Variants in VPS26B observed in about 807,000 individuals in gnomAD.
VPS26B encodes VPS26 retromer complex component B, also known as vacuolar protein sorting-associated protein 26B.
In VPS26B, 10 loss-of-function variants were observed where a neutral mutation model predicts 33.3. That is an observed-to-expected ratio of 0.30 (90% CI 0.19 to 0.51). VPS26B has a LOEUF of 0.51. VPS26B is among the 20% of genes least tolerant of loss of function. VPS26B has a pLI of 0.98. For synonymous variants in VPS26B, 190 were observed against 176.9 expected, an observed-to-expected ratio of 1.07 and a Z score of -0.59; for missense variants, 317 against 452.7, an observed-to-expected ratio of 0.70 and a Z score of 2.72.
intron 1 of VPS26B, among the ~76,000 whole-genome samples, chr11:134,231,618 G>A (rs12361161): frequency 0.042 from 6,431 of 151,822 alleles, 192 homozygotes; most frequent in Middle Eastern, 0.082. Context: ...AGGATAGAGT[G>A]CAATGGCACA....
At position 134,234,958 on chromosome 11, in the gene VPS26B, G is replaced by A. The variant is rs1245002053; in HGVS notation, c.285G>A (p.Arg95=). 6.2e-7 allele frequency: 1 copy of A among 1,614,182 alleles called. No homozygotes were observed. The change falls in exon 2 of 6, where the codon CGG becomes CGA. Residue 95 remains arginine, a synonymous_variant. Transcript: ENST00000281187. The stretch of plus-strand genomic sequence containing the variant: ...TGTCCCTGGTGAAGGACCTGGCCCG[G>A]CCTGGAGAGATCACCCAGTCGCAGG... The part of the protein sequence containing the change: ...EFVSLVKDLA[R]PGEITQSQAF...
chr11:134,245,773 C>A lies in VPS26B; in HGVS notation c.*183C>A, dbSNP rs1285069019. On this transcript the variant is annotated 3_prime_UTR_variant, in exon 6 of 6. Transcript: ENST00000281187. This position sits in a 1 kb window ranked among gnomAD's most constrained non-coding sequence, Gnocchi z 4.7. ...AACCCAAGGGGCTTGGGGTGGGAAG[C>A]AGTCTCTCCTTGGGATTCTGCGGCC... 1 of 807,832 alleles carries A rather than the reference C, an allele frequency of 1.2e-6. No individual in the cohort carries two copies. Among genetic ancestry groups the A allele is most frequent in the Non-Finnish European group, 1.9e-6 (1 of 529,910 alleles). 50.0% of individuals were successfully genotyped at this position (807,832 alleles called of 1,614,324 possible). A position where few individuals can be genotyped will look rare whatever the true frequency, so the allele number is the denominator to read the frequency against.
At chr11:134,232,169 C>A (rs1387849715) in intron 1 of VPS26B, among the ~76,000 whole-genome samples, 2 of 151,300 alleles carry the variant, frequency 1.3e-5, no homozygotes, top group Admixed American at 6.6e-5. Context: ...CCTGACACGT[C>A]TGGTCCCTGA....
At position 134,231,181 on chromosome 11, in the gene VPS26B, G is replaced by C. The variant is rs1449134718; in HGVS notation, c.224-3716G>C. Among the ~76,000 whole-genome samples, 11 of 151,790 alleles carry C rather than the reference G, an allele frequency of 7.2e-5. No individual in the cohort carries two copies. The East Asian group carries it at 1.9e-3, about 27-fold the overall frequency. On this transcript the variant is annotated intron_variant, in intron 1 of 5. Transcript: ENST00000281187. ...AAGGTCAGACATGCGGAGGAGGGCA[G>C]ACAGGAACATCCCTGCACTCCAAAG... is the stretch of plus-strand genomic sequence containing the variant.
In VPS26B at chr11:134,225,128, C is replaced by T. The variant is rs377631093; in HGVS notation, c.6C>T (p.Ser2=). 4 of 1,604,748 alleles carry T rather than the reference C, an allele frequency of 2.5e-6. No homozygotes were observed. Among genetic ancestry groups the T allele is most frequent in the Non-Finnish European group, 3.4e-6 (4 of 1,174,200 alleles). The change falls in exon 1 of 6, where the codon AGC becomes AGT. Residue 2 remains serine, a synonymous_variant. Coordinates refer to ENST00000281187, the MANE Select transcript of VPS26B (RefSeq NM_052875.5). Reference sequence around the variant, plus strand: ...CCGCCCGGCCCGGCGGTGCGATGAGCTTCTTCGGCTTCGGGCAGAGCGTGG... The same window carrying T: ...CCGCCCGGCCCGGCGGTGCGATGAGTTTCTTCGGCTTCGGGCAGAGCGTGG... M[S]FFGFGQSVEV...
intron 3 of VPS26B, among the ~76,000 whole-genome samples, chr11:134,241,805 G>C (rs746675471): frequency 1.3e-5 from 2 of 152,238 alleles, no homozygotes; most frequent in African/African-American, 4.8e-5. Flanking sequence ...GAGAACTCCA[G>C]ACTTGGAACC....
chr11:134,237,137 A>G (rs183337869), intron 2 of VPS26B, among the ~76,000 whole-genome samples: 1 of 152,346 alleles, frequency 6.6e-6, no homozygotes, highest in East Asian at 1.9e-4. Flanking sequence ...GAGGGAAAAC[A>G]TGAAAAGATT....
intron 1 of VPS26B, among the ~76,000 whole-genome samples, 183 bp from the exon 2 acceptor site, chr11:134,234,714 C>T (rs560919820): frequency 1.3e-5 from 2 of 152,164 alleles, no homozygotes; most frequent in East Asian, 3.9e-4. Context: ...ACAGAAAAGC[C>T]TTTGGAGAAG....
At chr11:134,225,570 G>A in intron 1 of VPS26B, 1 of 554,158 alleles carries the variant, frequency 1.8e-6, no homozygotes. Flanking sequence ...GACGGCGAGG[G>A]CGGGAGGAAG....
chr11:134,230,943 T>A (rs1366557540), intron 1 of VPS26B, among the ~76,000 whole-genome samples: 1 of 152,186 alleles, frequency 6.6e-6, no homozygotes, highest in Non-Finnish European at 1.5e-5. Flanking sequence ...GTCAGGCCCA[T>A]GGGACAGAAA....
chr11:134,240,784 T>TCC lies in VPS26B; in HGVS notation c.545+629_545+630insCC, dbSNP rs1938708014. ...CAGCTAATTTGTGTCCGTGTGTGTG[T>TCC]GTGTGTGTCCGTGTGTGTGTGTGTG... On this transcript the variant is annotated intron_variant, in intron 3 of 5. Coordinates refer to ENST00000281187, the MANE Select transcript of VPS26B (RefSeq NM_052875.5). This position sits in a 1 kb window ranked among gnomAD's most constrained non-coding sequence, Gnocchi z 4.4. Among the ~76,000 whole-genome samples the TCC allele has an allele frequency of 7.5e-6, 1 of 134,082 alleles. No homozygotes were observed. The highest frequency in any genetic ancestry group is 1.6e-5 in the Non-Finnish European group (1 of 63,028). The allele number at this position is 134,082 out of a possible 152,430, so 88.0% of individuals were successfully genotyped here. A position where few individuals can be genotyped will look rare whatever the true frequency, so the allele number is the denominator to read the frequency against.
Position 134,245,654 on chromosome 11 carries a change from TGGGGGC to T in VPS26B, c.*73_*78del. On this transcript the variant is annotated 3_prime_UTR_variant, in exon 6 of 6. Transcript: ENST00000281187. This position sits in a 1 kb window ranked among gnomAD's most constrained non-coding sequence, Gnocchi z 4.7. ...ACCCCCATCTACCAACACCAGCGGC[TGGGGGC>T]GGGGGCGGACCTTGTGAGGCTCAGT... The T allele has an allele frequency of 6.5e-7, 1 of 1,527,438 alleles. No individual in the cohort carries two copies. The highest frequency in any genetic ancestry group is 8.8e-7 in the Non-Finnish European group (1 of 1,136,456). The allele number at this position is 1,527,438 out of a possible 1,614,324, so 94.6% of individuals were successfully genotyped here.
At position 134,240,209 on chromosome 11, in the gene VPS26B, GGACTTGATGCA is replaced by G; in HGVS notation, c.545+57_545+67del. On this transcript the variant is annotated intron_variant, in intron 3 of 5. Transcript: ENST00000281187. The surrounding 1 kb of genome is among the most constrained non-coding windows in gnomAD (Gnocchi z 4.4). Reference sequence around the variant, plus strand: ...ATGATTATTTAAGGAGGTTAAGATGGGACTTGATGCAGATGCAAACTGATGACCCTCTGTGA... The same window carrying G: ...ATGATTATTTAAGGAGGTTAAGATGGGATGCAAACTGATGACCCTCTGTGA... The G allele has an allele frequency of 1.3e-6, 2 of 1,590,206 alleles. No individual in the cohort carries two copies. The highest frequency in any genetic ancestry group is 1.7e-6 in the Non-Finnish European group (2 of 1,161,970).
rs148920934 is a variant in VPS26B, at chr11:134,245,500, G to A, written c.921G>A (p.Ala307=). The A allele has an allele frequency of 6.2e-5, 100 of 1,613,984 alleles. No homozygotes were observed. The highest frequency in any genetic ancestry group is 2.1e-4 in the African/African-American group (16 of 75,044). ...DIVRKSMSHQ[A]AIASQRFEGT... is the part of the protein sequence containing the mutation. ...TACGGAAGAGCATGTCCCACCAGGC[G>A]GCCATCGCCTCACAGCGCTTTGAGG... Residue 307 remains alanine (A), a synonymous_variant, in exon 6 of 6, where the codon GCG becomes GCA. Transcript: ENST00000281187. This position sits in a 1 kb window ranked among gnomAD's most constrained non-coding sequence, Gnocchi z 4.7.
chr11:134,233,599 C>A (rs1427571161), intron 1 of VPS26B, among the ~76,000 whole-genome samples: 1 of 152,194 alleles, frequency 6.6e-6, no homozygotes, highest in African/African-American at 2.4e-5. Context: ...GTGGCAGATG[C>A]CTGTAGTCTC....
In VPS26B at chr11:134,243,163, T is replaced by C; in HGVS notation, c.590T>C (p.Leu197Pro). 1 of 1,614,226 alleles carries C rather than the reference T, an allele frequency of 6.2e-7. No homozygotes were observed. Among genetic ancestry groups the C allele is most frequent in the Non-Finnish European group, 8.5e-7 (1 of 1,180,036 alleles). The stretch of plus-strand genomic sequence containing the variant: ...ATTGTAGGGAAGATATACTTCCTGC[T>C]GGTGAGAATCAAAATCAAGCACATG... ...DVIVGKIYFL[L>P]VRIKIKHMEI... Residue 197 changes from leucine to proline, a missense_variant, in exon 4 of 6, where the codon CTG (leucine) becomes CCG (proline). Transcript: ENST00000281187.
chr11:134,243,411 C>G, intron 4 of VPS26B, 117 bp downstream of exon 4: 1 of 1,235,230 alleles, frequency 8.1e-7, no homozygotes, highest in South Asian at 1.5e-5. Flanking sequence ...TAACCTGTAA[C>G]TTCTTAATCT....
At chr11:134,234,752 A>G in intron 1 of VPS26B, 145 bp from the exon 2 acceptor site, 4 of 953,826 alleles carry the variant, frequency 4.2e-6, no homozygotes, top group Non-Finnish European at 3.0e-6. Flanking sequence ...GCAGAGGTCA[A>G]GAAAACAAGG....
rs1396109673 is a variant in VPS26B, at chr11:134,246,058, C to CTAG, written c.*470_*471insGTA. 1 of 155,200 alleles carries CTAG rather than the reference C, an allele frequency of 6.4e-6. No individual in the cohort carries two copies. The highest frequency in any genetic ancestry group is 1.9e-4 in the East Asian group (1 of 5,286). 9.6% of individuals were successfully genotyped at this position (155,200 alleles called of 1,614,324 possible). On this transcript the variant is annotated 3_prime_UTR_variant, in exon 6 of 6. Coordinates refer to ENST00000281187, the MANE Select transcript of VPS26B (RefSeq NM_052875.5). ...GTGGCAGGAGTTGGGCCAGCCCCCA[C>CTAG]TAAGTGGCAGGGGAAGACTCACGAT...
Sources: allele counts gnomAD v4.1 joint callset (sites outside exome capture counted in the v4.1 genomes callset), GRCh38; gene constraint gnomAD v4.1.1; non-coding constraint Gnocchi (gnomAD v3.1); transcripts MANE v1.5; gene names NCBI Gene and HGNC (gene_info 2026-07-23, HGNC 2026-07-21).